SMYD4: variants seen among roughly 807,000 people sequenced by gnomAD.
SMYD4 encodes protein-lysine N-methyltransferase SMYD4.
Under a neutral mutation model 72.8 loss-of-function variants are expected in SMYD4, and 68 were observed. That is an observed-to-expected ratio of 0.93 (90% CI 0.77 to 1.14). The LOEUF (loss-of-function observed/expected upper bound fraction) is 1.14. Ranked by LOEUF, SMYD4 falls within the 50% of genes most tolerant of loss-of-function variation. The pLI, the probability that SMYD4 is intolerant of heterozygous loss-of-function variation, is 0.00. For missense variants in SMYD4, 984 were observed against 1,003.7 expected, an observed-to-expected ratio of 0.98 and a Z score of 0.27; for synonymous variants, 407 against 388.6, an observed-to-expected ratio of 1.05 and a Z score of -0.56.
intron 3 of SMYD4, among the ~76,000 whole-genome samples, chr17:1,810,712 GC>G (rs915434998): frequency 6.6e-6 from 1 of 152,146 alleles, no homozygotes; most frequent in Admixed American, 6.5e-5. Context: ...GGTTTGCCAC[GC>G]CCCCCAGCCT....
chr17:1,800,524 G>A lies in SMYD4; in HGVS notation c.870C>T (p.Thr290=). Residue 290 remains threonine (T), a synonymous_variant, in exon 5 of 11, where the codon ACC becomes ACT. Coordinates refer to ENST00000305513, the MANE Select transcript of SMYD4 (RefSeq NM_052928.3). ...ATCGGTGACAATAGAGGTCCCCATT[G>A]GTGACTCTGGTGTCCCATTTGCTGT... ...GLDSKWDTRV[T]NGDLYCHRCL... is the part of the protein sequence containing the mutation. The A allele has an allele frequency of 1.2e-6, 2 of 1,614,168 alleles. No homozygotes were observed. The highest frequency in any genetic ancestry group is 1.7e-6 in the Non-Finnish European group (2 of 1,180,032).
chr17:1,819,455 G>A (rs1431296685), intron 2 of SMYD4, among the ~76,000 whole-genome samples: 1 of 152,120 alleles, frequency 6.6e-6, no homozygotes, highest in Non-Finnish European at 1.5e-5. Flanking sequence ...TATTATGGAA[G>A]CTAAGTTTGG....
At chr17:1,809,534 C>T (rs1597388270) in intron 3 of SMYD4, among the ~76,000 whole-genome samples, 1 of 150,960 alleles carries the variant, frequency 6.6e-6, no homozygotes, top group African/African-American at 2.4e-5. Context: ...GCCACCACGC[C>T]CAGCTAATTT....
chr17:1,784,133 C>T (rs1313074958), intron 8 of SMYD4, among the ~76,000 whole-genome samples, 193 bp downstream of exon 8: 1 of 152,206 alleles, frequency 6.6e-6, no homozygotes, highest in Non-Finnish European at 1.5e-5. Context: ...TCACCTGGCC[C>T]CTTTTCAAGG....
chr17:1,793,506 A>G (rs1909172031), intron 5 of SMYD4, among the ~76,000 whole-genome samples: 1 of 151,750 alleles, frequency 6.6e-6, no homozygotes, highest in South Asian at 2.1e-4. Flanking sequence ...ACAGGGCTAC[A>G]CTATCACTCC....
chr17:1,807,481 C>T (rs1463409358), intron 3 of SMYD4, among the ~76,000 whole-genome samples: 1 of 152,020 alleles, frequency 6.6e-6, no homozygotes, highest in Non-Finnish European at 1.5e-5. Context: ...CTGTCTCAGC[C>T]TCCTGAGTAG....
chr17:1,807,688 T>G (rs768026647), intron 3 of SMYD4, among the ~76,000 whole-genome samples: 1 of 152,166 alleles, frequency 6.6e-6, no homozygotes, highest in African/African-American at 2.4e-5. Flanking sequence ...TGTACTGAAA[T>G]GGAATGACCT....
chr17:1,784,559 TG>T lies in SMYD4; in HGVS notation c.1885-99del, dbSNP rs1476179628. On this transcript the variant is annotated intron_variant, in intron 7 of 10. Transcript: ENST00000305513. Reference sequence around the variant, plus strand: ...GACTGCTCCATAGTTTCTTACCTCATGGGGGAAAGAGACTCCTGTAACAATA... The same window carrying T: ...GACTGCTCCATAGTTTCTTACCTCATGGGGAAAGAGACTCCTGTAACAATA... 3.9e-6 allele frequency: 6 copies of T among 1,537,216 alleles called. No homozygotes were observed. The African/African-American group carries it at 6.9e-5, about 18-fold the overall frequency.
In SMYD4 at chr17:1,800,515, G is replaced by A. The variant is rs556786463; in HGVS notation, c.879C>T (p.Asp293=). 1 of 1,614,146 alleles carries A rather than the reference G, an allele frequency of 6.2e-7. No individual in the cohort carries two copies. The highest frequency in any genetic ancestry group is 2.2e-5 in the East Asian group (1 of 44,886). Residue 293 remains aspartate (D), a synonymous_variant, in exon 5 of 11, where the codon GAC becomes GAT. Transcript: ENST00000305513. ...SKWDTRVTNG[D]LYCHRCLKHT... ...GCTTCAAACATCGGTGACAATAGAG[G>A]TCCCCATTGGTGACTCTGGTGTCCC...
At chr17:1,821,476 T>A (rs1355823524) in intron 2 of SMYD4, among the ~76,000 whole-genome samples, 1 of 152,086 alleles carries the variant, frequency 6.6e-6, no homozygotes. Flanking sequence ...ACGGCACTAT[T>A]GCACTCCAGG....
At chr17:1,789,996 C>T (rs1008182761) in intron 5 of SMYD4, among the ~76,000 whole-genome samples, 2 of 152,128 alleles carry the variant, frequency 1.3e-5, no homozygotes, top group African/African-American at 4.8e-5. Context: ...CTTCTTCTCC[C>T]CCTTGTCCGG....
chr17:1,800,107 C>T lies in SMYD4; in HGVS notation c.1287G>A (p.Leu429=). ...ENNYNAVFNL[L]PHTENHSPEH... is the part of the protein sequence containing the mutation. ...CTGGGCTATGGTTTTCAGTGTGGGG[C>T]AAAAGGTTGAAGACAGCATTATAAT... The change falls in exon 5 of 11, where the codon TTG becomes TTA. Residue 429 remains leucine (L), a synonymous_variant. Transcript: ENST00000305513. The T allele has an allele frequency of 6.2e-7, 1 of 1,610,970 alleles. No individual in the cohort carries two copies. The highest frequency in any genetic ancestry group is 1.1e-5 in the South Asian group (1 of 90,782).
In SMYD4 at chr17:1,800,290, C is replaced by A. The variant is rs369346790; in HGVS notation, c.1104G>T (p.Thr368=). The change falls in exon 5 of 11, where the codon ACG becomes ACT. Residue 368 remains threonine (T), a synonymous_variant. Coordinates refer to ENST00000305513, the MANE Select transcript of SMYD4 (RefSeq NM_052928.3). ...VGFEDVRKII[T]KLCDKISNKD... ...TGTTACTAATCTTATCACAAAGCTT[C>A]GTTATGATTTTGCGAACATCCTCAA... The A allele has an allele frequency of 6.2e-7, 1 of 1,614,002 alleles. No homozygotes were observed. The highest frequency in any genetic ancestry group is 1.3e-5 in the African/African-American group (1 of 74,904).
chr17:1,823,676 T>A (rs1911011703), intron 2 of SMYD4, among the ~76,000 whole-genome samples: 1 of 152,134 alleles, frequency 6.6e-6, no homozygotes. Flanking sequence ...GTTGGGCACA[T>A]GACACAGGCC....
chr17:1,816,081 A>G lies in SMYD4; in HGVS notation c.135-3966T>C, dbSNP rs1295189946. 9.9e-5 allele frequency among the ~76,000 whole-genome samples: 15 copies of G among 151,918 alleles called. No individual in the cohort carries two copies. In the South Asian group the frequency reaches 1.0e-3, roughly 11 times the overall value. On this transcript the variant is annotated intron_variant, in intron 2 of 10. Coordinates refer to ENST00000305513, the MANE Select transcript of SMYD4 (RefSeq NM_052928.3). The stretch of plus-strand genomic sequence containing the variant: ...CCAACCATCAGCACTATTCATTTCC[A>G]AAGTTTTTTCATCATCCCATGCTGA...
At chr17:1,802,026 C>A (rs2151236389) in intron 4 of SMYD4, among the ~76,000 whole-genome samples, 1 of 152,084 alleles carries the variant, frequency 6.6e-6, no homozygotes, top group East Asian at 1.9e-4. Flanking sequence ...TCTTACTAGC[C>A]ACATGACCTT....
In SMYD4 at chr17:1,800,875, G is replaced by T. The variant is rs1909705592; in HGVS notation, c.519C>A (p.Phe173Leu). 1 of 1,614,060 alleles carries T rather than the reference G, an allele frequency of 6.2e-7. No individual in the cohort carries two copies. The highest frequency in any genetic ancestry group is 8.5e-7 in the Non-Finnish European group (1 of 1,180,030). The change falls in exon 5 of 11, where the codon TTC becomes TTA. Residue 173 changes from phenylalanine to leucine, a missense_variant. Transcript: ENST00000305513. ...CATCTGCTAGGGCTGGTGTGGCTGT[G>T]AAGTTCCTTTCAAGATCACTGATGG... The part of the protein sequence containing the change: ...SQTISDLERN[F>L]TATPALADVL...
At chr17:1,788,496 A>G (rs577551799) in intron 5 of SMYD4, among the ~76,000 whole-genome samples, 1 of 152,056 alleles carries the variant, frequency 6.6e-6, no homozygotes, top group Non-Finnish European at 1.5e-5. Context: ...CTGTAATCCC[A>G]GTACTTTGGG....
At chr17:1,784,862 C>T (rs937840266) in intron 7 of SMYD4, among the ~76,000 whole-genome samples, 20 of 152,006 alleles carry the variant, frequency 1.3e-4, no homozygotes, top group South Asian at 1.2e-3. Context: ...CTCCGCCTCC[C>T]GGGTTCACGC....
Sources: gnomAD v4.1 joint callset for allele counts (sites outside exome capture counted in the v4.1 genomes callset) on GRCh38, gnomAD v4.1.1 for gene constraint, MANE v1.5 for transcripts, NCBI Gene and HGNC (gene_info 2026-07-23, HGNC 2026-07-21) for gene names.